Variants in ZNF385D observed in about 807,000 individuals in gnomAD.
ZNF385D encodes zinc finger protein 385D.
ZNF385D carries 15 observed loss-of-function variants against 35.8 expected under a neutral mutation model. That is an observed-to-expected ratio of 0.42 (90% CI 0.28 to 0.64). The LOEUF is 0.64. Ranked by LOEUF, ZNF385D falls within the 30% of genes least tolerant of loss-of-function variation. ZNF385D has a pLI of 0.23. For synonymous variants in ZNF385D, 212 were observed against 186.8 expected (o/e 1.13, Z -1.10); for missense variants, 474 against 494.6 (o/e 0.96, Z 0.39).
At chr3:22,324,274 TA>T (rs1490638350) in intron 2 of ZNF385D, among the ~76,000 whole-genome samples, 1 of 152,140 alleles carries the variant, frequency 6.6e-6, no homozygotes, top group African/African-American at 2.4e-5. Context: ...TGTTTGAATT[TA>T]AAAAATGAAA....
chr3:22,293,502 C>T (rs1702411050), intron 2 of ZNF385D, among the ~76,000 whole-genome samples: 1 of 152,100 alleles, frequency 6.6e-6, no homozygotes. Flanking sequence ...TCTAGCAATA[C>T]TCTCCTTACA....
chr3:21,442,733 G>A (rs1416672595), intron 4 of ZNF385D, among the ~76,000 whole-genome samples: 1 of 151,864 alleles, frequency 6.6e-6, no homozygotes. Context: ...GAGCAGATGG[G>A]AATTATGGGA....
At chr3:22,034,665 T>G (rs190615415) in intron 3 of ZNF385D, among the ~76,000 whole-genome samples, 2 of 152,304 alleles carry the variant, frequency 1.3e-5, no homozygotes, top group African/African-American at 4.8e-5. Context: ...TATAATAAAA[T>G]GTTAATACAA....
At chr3:21,939,039 G>C (rs1373437476) in intron 3 of ZNF385D, among the ~76,000 whole-genome samples, 2 of 152,078 alleles carry the variant, frequency 1.3e-5, no homozygotes, top group Admixed American at 6.6e-5. Context: ...ACATTGATGG[G>C]GCAGGTTTCT....
At chr3:22,285,460 C>T (rs544450971) in intron 2 of ZNF385D, among the ~76,000 whole-genome samples, 94 of 152,132 alleles carry the variant, frequency 6.2e-4, no homozygotes, top group Non-Finnish European at 1.3e-3. Flanking sequence ...ATTTTTTTCT[C>T]TACTGAAAAA....
At chr3:21,768,449 T>C (rs551772879) in intron 3 of ZNF385D, among the ~76,000 whole-genome samples, 1 of 151,908 alleles carries the variant, frequency 6.6e-6, no homozygotes, top group Non-Finnish European at 1.5e-5. Flanking sequence ...TTGATATAAC[T>C]CTTTTGGAAC....
chr3:22,350,215 T>C (rs1384400721), intron 2 of ZNF385D, among the ~76,000 whole-genome samples: 1 of 152,174 alleles, frequency 6.6e-6, no homozygotes, highest in African/African-American at 2.4e-5. Flanking sequence ...AACATGTTAA[T>C]ATTAGTTGCT....
At chr3:21,507,436 GTC>G (rs1299557307) in intron 4 of ZNF385D, among the ~76,000 whole-genome samples, 3 of 152,074 alleles carry the variant, frequency 2.0e-5, no homozygotes, top group Admixed American at 1.3e-4. Flanking sequence ...GATTTCATGT[GTC>G]TCTATCTTTT....
intron 3 of ZNF385D, among the ~76,000 whole-genome samples, chr3:22,142,967 A>T (rs1302136559): frequency 6.6e-6 from 1 of 151,908 alleles, no homozygotes. Context: ...ACTGCCCGTA[A>T]GTTTGAATGA....
At chr3:22,213,252 CACAT>C (rs1282982715) in intron 2 of ZNF385D, among the ~76,000 whole-genome samples, 2 of 151,290 alleles carry the variant, frequency 1.3e-5, no homozygotes, top group Middle Eastern at 3.4e-3. Context: ...CTTTGTGGGC[CACAT>C]ACAGTCTCTG....
chr3:21,979,464 T>C (rs34866662), intron 3 of ZNF385D, among the ~76,000 whole-genome samples: 34,520 of 152,114 alleles, frequency 0.23, 4,532 homozygotes, highest in African/African-American at 0.36. Flanking sequence ...CACAACTCAG[T>C]TACGCTGGCT....
chr3:21,651,350 ATAT>A (rs1221007581), intron 2 of ZNF385D, among the ~76,000 whole-genome samples: 1 of 150,344 alleles, frequency 6.7e-6, no homozygotes, highest in Non-Finnish European at 1.5e-5. Context: ...AGCATATAAA[ATAT>A]TATCTCATTT....
chr3:22,260,553 T>C (rs1407064138), intron 2 of ZNF385D, among the ~76,000 whole-genome samples: 1 of 152,018 alleles, frequency 6.6e-6, no homozygotes, highest in Non-Finnish European at 1.5e-5. Flanking sequence ...TGATAGGTTG[T>C]AAATCATTTT....
intron 3 of ZNF385D, among the ~76,000 whole-genome samples, chr3:22,071,033 A>T (rs774788228): frequency 2.6e-5 from 4 of 152,168 alleles, no homozygotes. Context: ...CTATGAAAAG[A>T]ATAAAAATAT....
intron 4 of ZNF385D, among the ~76,000 whole-genome samples, chr3:21,485,687 T>C (rs1377937448): frequency 1.3e-5 from 2 of 152,112 alleles, no homozygotes; most frequent in Non-Finnish European, 2.9e-5. Flanking sequence ...ATAATGATCA[T>C]AATAAATAGT....
chr3:21,476,869 C>T lies in ZNF385D; in HGVS notation c.439+33992G>A, dbSNP rs372968623. On this transcript the variant is annotated intron_variant, in intron 4 of 7. Coordinates refer to ENST00000281523, the MANE Select transcript of ZNF385D (RefSeq NM_024697.3). ...TGGAAGAGATTCTGAGGTGAATATA[C>T]TCCTGCATGCAGAGAGTCTCATCGG... is the stretch of plus-strand genomic sequence containing the variant. Among the ~76,000 whole-genome samples the T allele has an allele frequency of 2.4e-4, 37 of 152,212 alleles. No homozygotes were observed. In the East Asian group the frequency reaches 5.2e-3, roughly 22 times the overall value.
intron 3 of ZNF385D, among the ~76,000 whole-genome samples, chr3:22,070,726 G>A (rs1453091949): frequency 2.6e-5 from 4 of 152,094 alleles, no homozygotes; most frequent in Admixed American, 2.0e-4. Flanking sequence ...GCTTTATTAA[G>A]GGTAAGGGGA....
chr3:21,659,288 C>T (rs1198890970), intron 2 of ZNF385D, among the ~76,000 whole-genome samples: 2 of 152,088 alleles, frequency 1.3e-5, no homozygotes, highest in Non-Finnish European at 2.9e-5. Context: ...TAAGTAGTCA[C>T]ATTTTTCAAT....
At chr3:22,227,845 G>C (rs948878461) in intron 2 of ZNF385D, among the ~76,000 whole-genome samples, 6 of 152,160 alleles carry the variant, frequency 3.9e-5, no homozygotes, top group East Asian at 1.9e-4. Context: ...TATGACTGCA[G>C]AACTACCTCT....
Sources: gnomAD v4.1 joint callset for allele counts (sites outside exome capture counted in the v4.1 genomes callset) on GRCh38, gnomAD v4.1.1 for gene constraint, MANE v1.5 for transcripts, NCBI Gene and HGNC (gene_info 2026-07-23, HGNC 2026-07-21) for gene names.